GRM5: variants seen among roughly 807,000 people sequenced by gnomAD.
GRM5 encodes the protein glutamate metabotropic receptor 5.
Under a neutral mutation model 83.1 loss-of-function variants are expected in GRM5, and 19 were observed. The observed-to-expected ratio is 0.23, with a 90% CI of 0.16 to 0.34. The LOEUF (loss-of-function observed/expected upper bound fraction) is 0.34, where lower values mean the gene tolerates loss of function less well. Among genes scored for constraint, GRM5 ranks in the 10% least tolerant of loss-of-function variants. The pLI, the probability that GRM5 is intolerant of heterozygous loss-of-function variation, is 1.00. For synonymous variants in GRM5, 675 were observed against 633.6 expected (o/e 1.07, Z -0.98); for missense variants, 1,160 against 1,588.3 (o/e 0.73, Z 4.58).
chr11:88,940,298 C>T (rs905605081), intron 2 of GRM5, among the ~76,000 whole-genome samples: 10 of 147,856 alleles, frequency 6.8e-5, no homozygotes, highest in African/African-American at 2.5e-4. Flanking sequence ...ATAGTGTGAT[C>T]TCATCCCAGG....
intron 3 of GRM5, among the ~76,000 whole-genome samples, chr11:88,796,220 G>C (rs1284102810): frequency 6.6e-6 from 1 of 152,104 alleles, no homozygotes. Flanking sequence ...GCAAAGCAAG[G>C]TCAGTATTTG....
At chr11:88,941,087 T>C (rs1217408058) in intron 2 of GRM5, among the ~76,000 whole-genome samples, 1 of 151,870 alleles carries the variant, frequency 6.6e-6, no homozygotes, top group Non-Finnish European at 1.5e-5. Context: ...TTATACTAAT[T>C]TTAATTAGTA....
chr11:88,589,895 A>T (rs1937609666), intron 7 of GRM5, among the ~76,000 whole-genome samples: 1 of 152,170 alleles, frequency 6.6e-6, no homozygotes, highest in African/African-American at 2.4e-5. Flanking sequence ...TAAGCACATG[A>T]GTGCATTTAA....
chr11:88,929,855 T>A (rs1458939322), intron 2 of GRM5, among the ~76,000 whole-genome samples: 1 of 152,164 alleles, frequency 6.6e-6, no homozygotes, highest in South Asian at 2.1e-4. Flanking sequence ...AAGTGATACA[T>A]GTTTTATTCT....
At chr11:88,964,767 T>C (rs1938893478) in intron 2 of GRM5, among the ~76,000 whole-genome samples, 1 of 152,094 alleles carries the variant, frequency 6.6e-6, no homozygotes, top group Admixed American at 6.6e-5. Flanking sequence ...TTATACACAG[T>C]GAAATAAGAA....
intron 3 of GRM5, among the ~76,000 whole-genome samples, chr11:88,794,269 C>T (rs1476782891): frequency 2.0e-5 from 3 of 152,096 alleles, no homozygotes; most frequent in African/African-American, 4.8e-5. Context: ...TAATGTTACC[C>T]CATGTTCAAG....
At chr11:88,985,467 T>C (rs879167266) in intron 2 of GRM5, among the ~76,000 whole-genome samples, 1 of 152,114 alleles carries the variant, frequency 6.6e-6, no homozygotes, top group Non-Finnish European at 1.5e-5. Flanking sequence ...CAGTTGAGCT[T>C]ACCCCATGAG....
intron 3 of GRM5, among the ~76,000 whole-genome samples, chr11:88,655,118 A>G (rs1174060944): frequency 1.3e-5 from 2 of 152,078 alleles, no homozygotes; most frequent in Non-Finnish European, 2.9e-5. Context: ...AATTTCAAAA[A>G]CTTTTGTGGC....
chr11:88,940,806 A>G (rs1272220935), intron 2 of GRM5, among the ~76,000 whole-genome samples: 1 of 152,038 alleles, frequency 6.6e-6, no homozygotes, highest in Non-Finnish European at 1.5e-5. Context: ...CTAAACGTAC[A>G]TATTTTGATA....
At chr11:88,519,306 T>C (rs1941612809) in intron 9 of GRM5, among the ~76,000 whole-genome samples, 1 of 151,982 alleles carries the variant, frequency 6.6e-6, no homozygotes, top group Admixed American at 6.6e-5. Flanking sequence ...TGGAGACTTG[T>C]ATATCTGGGA....
At chr11:88,766,970 A>G (rs1057221843) in intron 3 of GRM5, among the ~76,000 whole-genome samples, 13 of 152,022 alleles carry the variant, frequency 8.6e-5, no homozygotes, top group Admixed American at 5.9e-4. Context: ...ACTAATCGTT[A>G]GAAAAATGCA....
At chr11:89,064,888 CTGTGTGTGTG>C (rs71464050) in intron 1 of GRM5, among the ~76,000 whole-genome samples, 4 of 62,208 alleles carry the variant, frequency 6.4e-5, no homozygotes, top group African/African-American at 2.1e-4. Flanking sequence ...CTCTCTCTCT[CTGTGTGTGTG>C]TGTGTGTGTG....
At chr11:88,908,232 C>A (rs1945436139) in intron 2 of GRM5, among the ~76,000 whole-genome samples, 1 of 152,120 alleles carries the variant, frequency 6.6e-6, no homozygotes, top group Non-Finnish European at 1.5e-5. Flanking sequence ...AACCTACTCT[C>A]CCCTGTCTTC....
intron 4 of GRM5, among the ~76,000 whole-genome samples, chr11:88,641,789 G>A (rs1939301613): frequency 6.6e-6 from 1 of 152,198 alleles, no homozygotes; most frequent in Admixed American, 6.5e-5. Flanking sequence ...ACGGCCTTGG[G>A]CAGCTCTGCT....
At chr11:88,924,612 T>C (rs1362101612) in intron 2 of GRM5, among the ~76,000 whole-genome samples, 3 of 151,802 alleles carry the variant, frequency 2.0e-5, no homozygotes, top group East Asian at 1.9e-4. Context: ...GTCAAATATA[T>C]GGAAACAGAA....
chr11:89,028,240 C>A (rs1257198287), intron 2 of GRM5, among the ~76,000 whole-genome samples: 1 of 152,144 alleles, frequency 6.6e-6, no homozygotes, highest in South Asian at 2.1e-4. Context: ...TAACTAACAT[C>A]CACGCAGCAC....
intron 2 of GRM5, among the ~76,000 whole-genome samples, chr11:88,866,548 T>A (rs1353691043): frequency 6.6e-6 from 1 of 151,712 alleles, no homozygotes; most frequent in East Asian, 1.9e-4. Flanking sequence ...ATTTAGAGTA[T>A]AATAAAAAAT....
At chr11:88,849,871 A>G in intron 3 of GRM5, 35 bp downstream of exon 3, 1 of 1,605,690 alleles carries the variant, frequency 6.2e-7, no homozygotes, top group Non-Finnish European at 8.5e-7. Context: ...AATTCCTGGT[A>G]TTAACTCCAT....
chr11:88,567,108 A>G lies in GRM5; in HGVS notation c.2575T>C (p.Ser859Pro), dbSNP rs1942893176. 1.2e-6 allele frequency: 2 copies of G among 1,613,876 alleles called. No individual in the cohort carries two copies. The highest frequency in any genetic ancestry group is 1.7e-6 in the Non-Finnish European group (2 of 1,179,928). Residue 859 changes from serine to proline, a missense_variant, in exon 8 of 10, where the codon TCC becomes CCC. Physicochemically the swap from Ser to Pro is moderately conservative, Grantham distance 74. Coordinates refer to ENST00000305447, the MANE Select transcript of GRM5 (RefSeq NM_001143831.3). This position sits in a 1 kb window ranked among gnomAD's most constrained non-coding sequence, Gnocchi z 7.3. ...TTCCACAGGTTGACTAGGCTGCTGGATCTGCTGGCTGCGGAGGATGACTTG... is the reference window on the plus strand; with the variant it reads ...TTCCACAGGTTGACTAGGCTGCTGGGTCTGCTGGCTGCGGAGGATGACTTG... ...DGKSSSAASR[S>P]SSLVNLWKRR... is the part of the protein sequence containing the mutation.
Sources: allele counts gnomAD v4.1 joint callset (sites outside exome capture counted in the v4.1 genomes callset), GRCh38; gene constraint gnomAD v4.1.1; non-coding constraint Gnocchi (gnomAD v3.1); transcripts MANE v1.5; gene names NCBI Gene and HGNC (gene_info 2026-07-23, HGNC 2026-07-21).